Variants in HACE1 observed in about 807,000 individuals in gnomAD.
HACE1 encodes HECT domain and ankyrin repeat containing E3 ubiquitin protein ligase 1, also known as E3 ubiquitin-protein ligase HACE1.
Under a neutral mutation model 118.4 loss-of-function variants are expected in HACE1, and 73 were observed. That is an observed-to-expected ratio of 0.62 (90% CI 0.51 to 0.75). The LOEUF (loss-of-function observed/expected upper bound fraction) is 0.75, where lower values mean the gene tolerates loss of function less well. Ranked by LOEUF, HACE1 falls within the 30% of genes least tolerant of loss-of-function variation. The pLI is 0.00. For missense variants in HACE1, 749 were observed against 1,102.2 expected (o/e 0.68, Z 4.54); for synonymous variants, 368 against 374.8 (o/e 0.98, Z 0.21).
intron 22 of HACE1, among the ~76,000 whole-genome samples, chr6:104,734,426 G>GA (rs947882386): frequency 2.6e-5 from 4 of 151,526 alleles, no homozygotes; most frequent in Non-Finnish European, 5.9e-5. Context: ...AATTAAAAAA[G>GA]AAAAAAAATT....
chr6:104,766,609 TA>T (rs984571598), intron 19 of HACE1, among the ~76,000 whole-genome samples: 11 of 152,218 alleles, frequency 7.2e-5, no homozygotes, highest in Admixed American at 6.5e-4. Flanking sequence ...AGACTAGCAA[TA>T]AAACCATATT....
chr6:104,783,476 G>A (rs891073012), intron 14 of HACE1, among the ~76,000 whole-genome samples: 13 of 152,178 alleles, frequency 8.5e-5, no homozygotes, highest in Non-Finnish European at 1.6e-4. Context: ...AGTTCTATGA[G>A]GCTGCTGTCA....
intron 11 of HACE1, among the ~76,000 whole-genome samples, chr6:104,789,301 G>T (rs951448558): frequency 2.0e-5 from 3 of 152,024 alleles, no homozygotes; most frequent in Non-Finnish European, 2.9e-5. Flanking sequence ...AACTAGCTGA[G>T]TTTTACAATT....
At chr6:104,743,442 G>GT (rs1381085924) in intron 22 of HACE1, among the ~76,000 whole-genome samples, 1 of 151,708 alleles carries the variant, frequency 6.6e-6, no homozygotes, top group African/African-American at 2.4e-5. Flanking sequence ...ATGGGCTATG[G>GT]TTTTTCTTAT....
intron 22 of HACE1, chr6:104,731,948 C>A (rs977284203): frequency 6.6e-6 from 1 of 151,248 alleles, no homozygotes; most frequent in African/African-American, 2.4e-5. Context: ...AACAAATGCC[C>A]AATAAGCACA....
At chr6:104,736,574 G>A (rs375171828) in intron 22 of HACE1, among the ~76,000 whole-genome samples, 8 of 152,250 alleles carry the variant, frequency 5.3e-5, no homozygotes, top group African/African-American at 1.7e-4. Flanking sequence ...TACTATAAAT[G>A]TCTTATCTTT....
At chr6:104,759,959 TA>T in intron 19 of HACE1, among the ~76,000 whole-genome samples, 1 of 152,226 alleles carries the variant, frequency 6.6e-6, no homozygotes, top group African/African-American at 2.4e-5. Context: ...AAGAAATGGA[TA>T]AATTCCTAGA....
intron 19 of HACE1, among the ~76,000 whole-genome samples, chr6:104,770,272 T>C (rs1780469208): frequency 6.6e-6 from 1 of 152,144 alleles, no homozygotes; most frequent in Non-Finnish European, 1.5e-5. Context: ...AGAACTAGAA[T>C]TCATATGATA....
At chr6:104,747,690 T>C (rs1382235411) in intron 20 of HACE1, among the ~76,000 whole-genome samples, 2 of 152,184 alleles carry the variant, frequency 1.3e-5, no homozygotes, top group Non-Finnish European at 2.9e-5. Context: ...GTTCCATATC[T>C]TCTTTGGCCT....
rs189039742 is a variant in HACE1, at chr6:104,740,152, G to T, written c.2513+4008C>A. On this transcript the variant is annotated intron_variant, in intron 22 of 23. Transcript: ENST00000262903. ...ACGACACAACATACCAGAATCTCTG[G>T]GATGCATTCAAAGCAGTGTGTAGAG... Among the ~76,000 whole-genome samples, 375 of 146,664 alleles carry T rather than the reference G, an allele frequency of 2.6e-3. 1 individual carries two copies. The highest frequency in any genetic ancestry group is 9.5e-3 in the African/African-American group (359 of 37,648).
chr6:104,760,992 G>A (rs1199830937), intron 19 of HACE1, among the ~76,000 whole-genome samples: 2 of 152,134 alleles, frequency 1.3e-5, no homozygotes. Flanking sequence ...ACTTACAAGG[G>A]ATGTGAAGAA....
At chr6:104,829,774 T>C (rs1487481282) in intron 6 of HACE1, among the ~76,000 whole-genome samples, 1 of 152,138 alleles carries the variant, frequency 6.6e-6, no homozygotes, top group Non-Finnish European at 1.5e-5. Flanking sequence ...TCTCATTCTG[T>C]GAAACTCATC....
intron 20 of HACE1, among the ~76,000 whole-genome samples, chr6:104,745,914 C>CT (rs1777380469): frequency 1.3e-5 from 2 of 152,146 alleles, no homozygotes; most frequent in African/African-American, 4.8e-5. Context: ...GAGGTTCTCC[C>CT]TTTTCCAACT....
intron 17 of HACE1, among the ~76,000 whole-genome samples, chr6:104,773,735 C>A: frequency 6.7e-6 from 1 of 148,466 alleles, no homozygotes. Flanking sequence ...TCTGAGAAAT[C>A]TAGATGCTTA....
At chr6:104,839,364 A>G (rs190013195) in intron 5 of HACE1, among the ~76,000 whole-genome samples, 1 of 152,370 alleles carries the variant, frequency 6.6e-6, no homozygotes, top group Admixed American at 6.5e-5. Flanking sequence ...CAAACTATTG[A>G]TAAGTATAAC....
chr6:104,745,870 T>C (rs1183830790), intron 20 of HACE1, among the ~76,000 whole-genome samples: 4 of 121,726 alleles, frequency 3.3e-5, no homozygotes, highest in African/African-American at 1.2e-4. Flanking sequence ...CTGAGAACTC[T>C]TGAGGGTTTC....
At position 104,796,994 on chromosome 6, in the gene HACE1, G is replaced by A. The variant is rs747770803; in HGVS notation, c.649C>T (p.Leu217=). The change falls in exon 8 of 24, where the codon CTA becomes TTA. Residue 217 remains leucine (L), a synonymous_variant. Transcript: ENST00000262903. ...HGQRDTAQIL[L]LRGAKYLPDK... is the part of the protein sequence containing the mutation. ...GGCAGATATTTGGCTCCTCGTAATA[G>A]TAGGATCTGTGCTGTATCTCTCTGA... 3.1e-6 allele frequency: 5 copies of A among 1,598,710 alleles called. No individual in the cohort carries two copies. Among genetic ancestry groups the A allele is most frequent in the Admixed American group, 3.3e-5 (2 of 59,998 alleles).
intron 1 of HACE1, 79 bp downstream of exon 1, chr6:104,859,488 G>A: frequency 9.3e-7 from 1 of 1,076,816 alleles, no homozygotes; most frequent in Non-Finnish European, 1.3e-6. Flanking sequence ...TTTTCCACCC[G>A]ACCTTGACGC....
At chr6:104,822,646 C>T (rs1475566615) in intron 6 of HACE1, among the ~76,000 whole-genome samples, 4 of 151,988 alleles carry the variant, frequency 2.6e-5, no homozygotes, top group South Asian at 2.1e-4. Flanking sequence ...CACTAGAGGT[C>T]GGGAGTTCAA....
Sources: gnomAD v4.1 joint callset for allele counts (sites outside exome capture counted in the v4.1 genomes callset) on GRCh38, gnomAD v4.1.1 for gene constraint, MANE v1.5 for transcripts, NCBI Gene and HGNC (gene_info 2026-07-23, HGNC 2026-07-21) for gene names.